RTN1: variants seen among roughly 807,000 people sequenced by gnomAD.
RTN1 encodes the protein reticulon 1.
A neutral mutation model predicts 65.5 loss-of-function variants in RTN1; 25 were observed. The observed-to-expected ratio is 0.38, with a 90% CI of 0.28 to 0.53. The LOEUF is 0.53. Ranked by LOEUF, RTN1 falls within the 20% of genes least tolerant of loss-of-function variation. The pLI, the probability that RTN1 is intolerant of heterozygous loss-of-function variation, is 0.79. For synonymous variants in RTN1, 471 were observed against 447.6 expected, an observed-to-expected ratio of 1.05 and a Z score of -0.66; for missense variants, 983 against 1,025.4, an observed-to-expected ratio of 0.96 and a Z score of 0.57.
intron 1 of RTN1, among the ~76,000 whole-genome samples, chr14:59,752,417 C>G (rs1343870677): frequency 6.6e-6 from 1 of 151,900 alleles, no homozygotes; most frequent in African/African-American, 2.4e-5. Flanking sequence ...GCCCTTGTAG[C>G]TTAATCACCT....
intron 3 of RTN1, among the ~76,000 whole-genome samples, chr14:59,627,998 A>G (rs973770985): frequency 4.1e-4 from 62 of 150,694 alleles, no homozygotes; most frequent in African/African-American, 1.4e-3. Flanking sequence ...TTAAATTGGT[A>G]TCCTGGACCT....
chr14:59,686,204 C>T (rs903102478), intron 3 of RTN1, among the ~76,000 whole-genome samples: 8 of 152,182 alleles, frequency 5.3e-5, no homozygotes, highest in African/African-American at 1.9e-4. Flanking sequence ...ACACTTGAAA[C>T]TATGAAACTA....
At chr14:59,864,449 C>T in intron 1 of RTN1, among the ~76,000 whole-genome samples, 1 of 151,964 alleles carries the variant, frequency 6.6e-6, no homozygotes, top group African/African-American at 2.4e-5. Flanking sequence ...CCTCTCATTC[C>T]CATTACTCTG....
Position 59,849,996 on chromosome 14 carries a change from CCT to C in RTN1, c.241+20392_241+20393del, listed in dbSNP as rs1887476117. On this transcript the variant is annotated intron_variant, in intron 1 of 8. Coordinates refer to ENST00000267484, the MANE Select transcript of RTN1 (RefSeq NM_021136.3). This position sits in a 1 kb window ranked among gnomAD's most constrained non-coding sequence, Gnocchi z 4.5. ...ATTTGTGTCCATTCCAGGGGCCAAG[CCT>C]CTCCTTTCACCGCCACCTCTTCCCA... Among the ~76,000 whole-genome samples, 2 of 152,266 alleles carry C rather than the reference CCT, an allele frequency of 1.3e-5. No individual in the cohort carries two copies. The highest frequency in any genetic ancestry group is 1.3e-4 in the Admixed American group (2 of 15,288).
chr14:59,704,280 G>A (rs991051810), intron 3 of RTN1, among the ~76,000 whole-genome samples: 5 of 152,090 alleles, frequency 3.3e-5, no homozygotes, highest in African/African-American at 1.2e-4. Flanking sequence ...TCACCGCCAC[G>A]AATAGTCAAA....
At chr14:59,749,430 AT>A (rs1885351001) in intron 1 of RTN1, among the ~76,000 whole-genome samples, 1 of 99,352 alleles carries the variant, frequency 1.0e-5, no homozygotes, top group Non-Finnish European at 1.7e-5. Flanking sequence ...CTATATATCT[AT>A]ATATATCTAT....
chr14:59,733,403 T>C (rs988069761), intron 2 of RTN1, among the ~76,000 whole-genome samples: 3 of 152,206 alleles, frequency 2.0e-5, no homozygotes, highest in Admixed American at 2.0e-4. Flanking sequence ...AGACTGCTTC[T>C]TTAAGCAGGG....
At chr14:59,828,983 T>C (rs143965510) in intron 1 of RTN1, among the ~76,000 whole-genome samples, 1 of 152,304 alleles carries the variant, frequency 6.6e-6, no homozygotes, top group African/African-American at 2.4e-5. Flanking sequence ...TTATTATTAT[T>C]ATTCAACCTC....
intron 1 of RTN1, among the ~76,000 whole-genome samples, chr14:59,776,738 C>T (rs1054254223): frequency 2.6e-5 from 4 of 152,064 alleles, no homozygotes; most frequent in African/African-American, 9.7e-5. Flanking sequence ...TTCCTTCATC[C>T]AGTAGGAGGC....
chr14:59,788,242 G>A (rs1430361607), intron 1 of RTN1, among the ~76,000 whole-genome samples: 1 of 152,180 alleles, frequency 6.6e-6, no homozygotes, highest in Non-Finnish European at 1.5e-5. Flanking sequence ...CAGCAATGGG[G>A]CTGCTGAACT....
intron 1 of RTN1, among the ~76,000 whole-genome samples, chr14:59,767,610 C>T (rs879255827): frequency 6.6e-6 from 1 of 152,108 alleles, no homozygotes; most frequent in Middle Eastern, 3.2e-3. Flanking sequence ...AACAAGTAGA[C>T]AGCAGAAAGA....
chr14:59,755,465 G>T (rs897214769), intron 1 of RTN1, among the ~76,000 whole-genome samples: 9 of 152,158 alleles, frequency 5.9e-5, no homozygotes, highest in African/African-American at 2.2e-4. Flanking sequence ...AAGTAAATCT[G>T]CATTCACCTT....
intron 3 of RTN1, among the ~76,000 whole-genome samples, chr14:59,649,902 A>G (rs768370957): frequency 2.0e-5 from 3 of 152,244 alleles, no homozygotes; most frequent in Non-Finnish European, 4.4e-5. Flanking sequence ...ATTACTGGGT[A>G]TATACCCAAA....
chr14:59,731,392 T>C (rs769841003), intron 2 of RTN1, among the ~76,000 whole-genome samples: 14 of 152,124 alleles, frequency 9.2e-5, no homozygotes, highest in Admixed American at 3.3e-4. Context: ...TTTGGGGTAA[T>C]AAGATGCTCT....
chr14:59,679,675 G>T (rs1002927159), intron 3 of RTN1, among the ~76,000 whole-genome samples: 1 of 152,192 alleles, frequency 6.6e-6, no homozygotes, highest in African/African-American at 2.4e-5. Context: ...AAGCTGAACT[G>T]TTTAGCTCAA....
intron 3 of RTN1, among the ~76,000 whole-genome samples, chr14:59,660,211 C>A (rs1405536891): frequency 2.0e-5 from 3 of 152,068 alleles, no homozygotes; most frequent in Non-Finnish European, 4.4e-5. Flanking sequence ...ATATATGCAC[C>A]CAATACAAGA....
chr14:59,741,309 C>G (rs1487610563), intron 2 of RTN1, among the ~76,000 whole-genome samples: 1 of 152,238 alleles, frequency 6.6e-6, no homozygotes, highest in African/African-American at 2.4e-5. Context: ...TCCATTCAGT[C>G]TCTGCTCAAG....
At chr14:59,618,029 C>T (rs568104223) in intron 3 of RTN1, among the ~76,000 whole-genome samples, 4 of 152,134 alleles carry the variant, frequency 2.6e-5, no homozygotes, top group East Asian at 1.9e-4. Flanking sequence ...ACCGAGACAG[C>T]GAAAGAGATC....
chr14:59,633,898 AT>A (rs1156866356), intron 3 of RTN1, among the ~76,000 whole-genome samples: 1 of 152,184 alleles, frequency 6.6e-6, no homozygotes, highest in Admixed American at 6.5e-5. Flanking sequence ...TGGCACCAGA[AT>A]TTTACTGATG....
Sources: allele counts gnomAD v4.1 joint callset (sites outside exome capture counted in the v4.1 genomes callset), GRCh38; gene constraint gnomAD v4.1.1; non-coding constraint Gnocchi (gnomAD v3.1); transcripts MANE v1.5; gene names NCBI Gene and HGNC (gene_info 2026-07-23, HGNC 2026-07-21).